The following SERPINF1 variants were observed in gnomAD, a reference collection of about 807,000 sequenced individuals.
SERPINF1 encodes pigment epithelium-derived factor.
In SERPINF1, 29 loss-of-function variants were observed where a neutral mutation model predicts 37.3. The observed-to-expected ratio is 0.78, with a 90% CI of 0.58 to 1.06. SERPINF1 has a LOEUF of 1.06. Among genes scored for constraint, SERPINF1 ranks in the 50% least tolerant of loss-of-function variants. The probability of loss-of-function intolerance (pLI) is 0.00; values close to 1 mark genes in which losing one functional copy is unlikely to be tolerated. For synonymous variants in SERPINF1, 281 were observed against 227.9 expected, an observed-to-expected ratio of 1.23 and a Z score of -2.10; for missense variants, 553 against 532.2, an observed-to-expected ratio of 1.04 and a Z score of -0.38.
intron 2 of SERPINF1, among the ~76,000 whole-genome samples, chr17:1,769,162 C>G (rs1484296617): frequency 6.6e-6 from 1 of 151,734 alleles, no homozygotes; most frequent in East Asian, 2.0e-4. Context: ...GTAATCCCAG[C>G]ACTTTGGTAG....
intron 2 of SERPINF1, among the ~76,000 whole-genome samples, chr17:1,768,763 C>A (rs932172333): frequency 6.6e-6 from 1 of 151,792 alleles, no homozygotes; most frequent in Non-Finnish European, 1.5e-5. Context: ...AGGCATAAGC[C>A]ACTGCACCTG....
intron 6 of SERPINF1, among the ~76,000 whole-genome samples, chr17:1,775,998 G>A (rs1315299237): frequency 6.6e-6 from 1 of 152,180 alleles, no homozygotes; most frequent in Non-Finnish European, 1.5e-5. Flanking sequence ...ACACGTTTCT[G>A]TCAACGATTT....
chr17:1,773,084 C>G (rs1003874127), intron 5 of SERPINF1, among the ~76,000 whole-genome samples: 4 of 152,126 alleles, frequency 2.6e-5, no homozygotes, highest in Non-Finnish European at 5.9e-5. Flanking sequence ...GGGGGAGGAT[C>G]TGGGAACTGT....
chr17:1,768,459 A>C (rs1907525242), intron 2 of SERPINF1, among the ~76,000 whole-genome samples: 2 of 149,404 alleles, frequency 1.3e-5, no homozygotes, highest in South Asian at 2.1e-4. Context: ...AAGAAAGAAA[A>C]ACTGAGTTCT....
intron 5 of SERPINF1, among the ~76,000 whole-genome samples, chr17:1,772,441 A>G (rs12453107): frequency 0.47 from 71,879 of 151,716 alleles, 19,010 homozygotes; most frequent in African/African-American, 0.71. Flanking sequence ...TTAAGAGACA[A>G]GGTGTTGCCA....
At chr17:1,769,099 G>T (rs1048718885) in intron 2 of SERPINF1, among the ~76,000 whole-genome samples, 1 of 151,938 alleles carries the variant, frequency 6.6e-6, no homozygotes, top group African/African-American at 2.4e-5. Context: ...GAGCCACTCG[G>T]CTGATGGTTT....
At chr17:1,774,696 A>C (rs1907922043) in intron 5 of SERPINF1, among the ~76,000 whole-genome samples, 1 of 152,110 alleles carries the variant, frequency 6.6e-6, no homozygotes, top group Non-Finnish European at 1.5e-5. Flanking sequence ...TCCTGACCTC[A>C]AGTGATCCAC....
intron 5 of SERPINF1, 29 bp from the exon 6 acceptor site, chr17:1,775,029 C>A: frequency 6.2e-7 from 1 of 1,614,042 alleles, no homozygotes; most frequent in Non-Finnish European, 8.5e-7. Flanking sequence ...TCTCCTGGGG[C>A]TCAGACTATG....
At chr17:1,769,427 G>A (rs915915903) in intron 2 of SERPINF1, among the ~76,000 whole-genome samples, 4 of 148,244 alleles carry the variant, frequency 2.7e-5, no homozygotes, top group Non-Finnish European at 4.5e-5. Context: ...AAAAAAAAGT[G>A]GGTCATAGGT....
chr17:1,768,355 C>T (rs1182044452), intron 2 of SERPINF1, among the ~76,000 whole-genome samples: 1 of 143,652 alleles, frequency 7.0e-6, no homozygotes, highest in African/African-American at 2.7e-5. Context: ...GGCGTGAACC[C>T]GGGAGGTGGA....
At position 1,776,483 on chromosome 17, in the gene SERPINF1, G is replaced by A. The variant is rs146096858; in HGVS notation, c.787-49G>A. On this transcript the variant is annotated intron_variant, in intron 6 of 7. Coordinates refer to ENST00000254722, the MANE Select transcript of SERPINF1 (RefSeq NM_002615.7). ...GCAGCTCCTGGCTGTGTCTGTCCCC[G>A]GCTTTTGGGCTCTGAAGGACTAACC... 2.9e-4 allele frequency: 452 copies of A among 1,581,268 alleles called. 1 individual carries two copies. The East Asian group carries it at 8.3e-3, about 29-fold the overall frequency.
chr17:1,774,271 C>T (rs1349567779), intron 5 of SERPINF1, among the ~76,000 whole-genome samples: 1 of 152,218 alleles, frequency 6.6e-6, no homozygotes. Context: ...TCTCAGCTCA[C>T]TGCAACCTCT....
chr17:1,775,079 A>G lies in SERPINF1; in HGVS notation c.665A>G (p.Asp222Gly), dbSNP rs1186234574. ...CCAGGGCAGTGGGTAACAAAGTTTG[A>G]CTCCAGAAAGACTTCCCTCGAGGAT... is the stretch of plus-strand genomic sequence containing the variant. ...HFKGQWVTKFDSRKTSLEDFY... is the reference protein window; with the variant it reads ...HFKGQWVTKFGSRKTSLEDFY... Residue 222 changes from aspartate (D) to glycine (G), a missense_variant, in exon 6 of 8, where the codon GAC becomes GGC. Physicochemically the swap from Asp to Gly is moderately conservative, Grantham distance 94. Coordinates refer to ENST00000254722, the MANE Select transcript of SERPINF1 (RefSeq NM_002615.7). The G allele has an allele frequency of 6.2e-7, 1 of 1,613,962 alleles. No homozygotes were observed. Among genetic ancestry groups the G allele is most frequent in the South Asian group, 1.1e-5 (1 of 91,070 alleles).
At chr17:1,771,550 A>G (rs1009684925) in intron 4 of SERPINF1, among the ~76,000 whole-genome samples, 1 of 151,854 alleles carries the variant, frequency 6.6e-6, no homozygotes, top group Non-Finnish European at 1.5e-5. Flanking sequence ...TTTCTAAACA[A>G]TAGATCATGT....
In SERPINF1 at chr17:1,765,328, A is replaced by AT. The variant is rs1260572767; in HGVS notation, c.-8-1572dup. On this transcript the variant is annotated intron_variant, in intron 1 of 7. Coordinates refer to ENST00000254722, the MANE Select transcript of SERPINF1 (RefSeq NM_002615.7). ...TGGCTATTTTATTTTATTTTATTTT[A>AT]TTTATTTATTTTTGAGACTAAGTCT... Among the ~76,000 whole-genome samples, 18 of 144,640 alleles carry AT rather than the reference A, an allele frequency of 1.2e-4. No individual in the cohort carries two copies. In the East Asian group the frequency reaches 1.7e-3, roughly 13 times the overall value. 94.9% of individuals were successfully genotyped at this position (144,640 alleles called of 152,430 possible). A position where few individuals can be genotyped will look rare whatever the true frequency, so the allele number is the denominator to read the frequency against.
At chr17:1,770,864 T>C in intron 3 of SERPINF1, 165 bp from the exon 4 acceptor site, 1 of 855,564 alleles carries the variant, frequency 1.2e-6, no homozygotes, top group Non-Finnish European at 1.9e-6. Context: ...TTCAGGAAAA[T>C]CTCTAAGGAT....
chr17:1,775,329 G>T (rs891880774), intron 6 of SERPINF1, 129 bp downstream of exon 6: 1 of 939,944 alleles, frequency 1.1e-6, no homozygotes, highest in Non-Finnish European at 1.6e-6. Context: ...GTGTGACTTT[G>T]AGCAGGTTAA....
At chr17:1,767,029 TC>T in intron 2 of SERPINF1, 35 bp downstream of exon 2, 1 of 1,514,456 alleles carries the variant, frequency 6.6e-7, no homozygotes, top group Non-Finnish European at 9.0e-7. Context: ...TGGTCAGCAT[TC>T]CCCGCCCCTC....
At position 1,771,033 on chromosome 17, in the gene SERPINF1, G is replaced by A. The variant is rs373858090; in HGVS notation, c.288G>A (p.Ala96=). Residue 96 remains alanine (A), a synonymous_variant, in exon 4 of 8, where the codon GCG becomes GCA. Transcript: ENST00000254722. ...CCACATCCTTGTCTCTGGCAGGAGC[G>A]GAGCAGCGAACAGAATCCATCATTC... ...ATALSALSLG[A]EQRTESIIHR... is the part of the protein sequence containing the mutation. 2.4e-5 allele frequency: 39 copies of A among 1,613,838 alleles called. No homozygotes were observed. Among genetic ancestry groups the A allele is most frequent in the South Asian group, 1.1e-4 (10 of 91,090 alleles).
Sources: gnomAD v4.1 joint callset for allele counts (sites outside exome capture counted in the v4.1 genomes callset) on GRCh38, gnomAD v4.1.1 for gene constraint, MANE v1.5 for transcripts, NCBI Gene and HGNC (gene_info 2026-07-23, HGNC 2026-07-21) for gene names.